ALG8: variants seen among roughly 807,000 people sequenced by gnomAD.
The protein encoded by ALG8 is dolichyl pyrophosphate Glc1Man9GlcNAc2 alpha-1,3-glucosyltransferase.
Under a neutral mutation model 70.2 loss-of-function variants are expected in ALG8, and 48 were observed. The ratio of observed to expected loss-of-function variants is 0.68; its 90% CI spans 0.54 to 0.87. The LOEUF is 0.87. Among genes scored for constraint, ALG8 ranks in the 40% least tolerant of loss-of-function variants. The pLI, the probability that ALG8 is intolerant of heterozygous loss-of-function variation, is 0.00. For missense variants in ALG8, 572 were observed against 608.7 expected (o/e 0.94, Z 0.64); for synonymous variants, 234 against 229.0 (o/e 1.02, Z -0.20).
At chr11:78,129,398 C>T (rs971125537) in intron 1 of ALG8, among the ~76,000 whole-genome samples, 14 of 138,432 alleles carry the variant, frequency 1.0e-4, no homozygotes, top group African/African-American at 2.2e-4. Context: ...CCAGCCTGGG[C>T]GACAGAGCAA....
intron 9 of ALG8, chr11:78,107,789 C>A (rs1003472460): frequency 1.1e-4 from 20 of 177,966 alleles, no homozygotes; most frequent in Middle Eastern, 2.3e-3. Context: ...TTGCAGTGAG[C>A]TGAAATTGCG....
chr11:78,112,770 T>C lies in ALG8; in HGVS notation c.778A>G (p.Asn260Asp). Residue 260 changes from asparagine to aspartate, a missense_variant and splice_region_variant, in exon 8 of 13, where the codon AAT (asparagine) becomes GAT (aspartate). Asn to Asp is a conservative substitution (Grantham distance 23). Transcript: ENST00000299626. ...CGGGAAAAGACTTGAGGCAGCTGAT[T>C]CTGTTGAAAAGAGAAATGAAACTGA... ...ALSLGPFLAL[N>D]QLPQVFSRLF... 1 of 1,613,486 alleles carries C rather than the reference T, an allele frequency of 6.2e-7. No individual in the cohort carries two copies. The highest frequency in any genetic ancestry group is 8.5e-7 in the Non-Finnish European group (1 of 1,179,624).
Position 78,106,894 on chromosome 11 carries a change from C to T in ALG8, c.1091G>A (p.Arg364Gln), listed in dbSNP as rs766238263. The change falls in exon 10 of 13, where the codon CGA becomes CAA. Residue 364 changes from arginine to glutamine, a missense_variant. Transcript: ENST00000299626. ...FKPQGPRGFL[R>Q]CLTLCALSSF... Reference sequence around the variant, plus strand: ...GCTCAAGGCACAAAGAGTTAGACATCGGAGAAAGCCTCTGGGCCCTTGGGG... The same window carrying T: ...GCTCAAGGCACAAAGAGTTAGACATTGGAGAAAGCCTCTGGGCCCTTGGGG... The T allele has an allele frequency of 5.3e-5, 86 of 1,613,922 alleles. No individual in the cohort carries two copies. Among genetic ancestry groups the T allele is most frequent in the Middle Eastern group, 1.6e-4 (1 of 6,084 alleles).
intron 1 of ALG8, among the ~76,000 whole-genome samples, chr11:78,131,124 G>A (rs1462080821): frequency 6.8e-6 from 1 of 147,178 alleles, no homozygotes. Flanking sequence ...GCTTTATTTT[G>A]TTGTTTCCTA....
intron 1 of ALG8, chr11:78,138,788 G>T: frequency 2.2e-6 from 1 of 456,272 alleles, no homozygotes; most frequent in African/African-American, 2.0e-5. Flanking sequence ...TTTTTACACA[G>T]CAGTCTAACT....
rs528112587 is a variant in ALG8 at position 78,139,619 on chromosome 11, T to A, written c.-31A>T. 19 of 1,547,174 alleles carry A rather than the reference T, an allele frequency of 1.2e-5. No individual in the cohort carries two copies. In the Admixed American group the frequency reaches 2.7e-4, roughly 22 times the overall value. On this transcript the variant is annotated 5_prime_UTR_variant, in exon 1 of 13. Transcript: ENST00000299626. The stretch of plus-strand genomic sequence containing the variant: ...CGGCACCGCACGCTTCCCACCAACT[T>A]GATCCACATCCGGGATCCCGCGCAT...
chr11:78,138,102 A>G (rs557686652), intron 1 of ALG8, among the ~76,000 whole-genome samples: 1 of 152,224 alleles, frequency 6.6e-6, no homozygotes, highest in East Asian at 1.9e-4. Context: ...TCCCAACATT[A>G]TGGGAGGCCG....
intron 3 of ALG8, 48 bp from the exon 4 acceptor site, chr11:78,121,222 C>G: frequency 7.9e-7 from 1 of 1,273,790 alleles, no homozygotes; most frequent in Non-Finnish European, 1.1e-6. Flanking sequence ...TGATCTTCAT[C>G]GGAACATCAC....
chr11:78,135,897 A>G (rs547702), intron 1 of ALG8, among the ~76,000 whole-genome samples: 32,560 of 150,720 alleles, frequency 0.22, 4,372 homozygotes, highest in African/African-American at 0.38. Context: ...GGGTGGGTGC[A>G]GTGGCTCATG....
At chr11:78,133,206 G>A (rs1211127090) in intron 1 of ALG8, among the ~76,000 whole-genome samples, 2 of 152,170 alleles carry the variant, frequency 1.3e-5, no homozygotes, top group Admixed American at 1.3e-4. Flanking sequence ...TTCTTGTACT[G>A]TTATACTTAC....
intron 1 of ALG8, among the ~76,000 whole-genome samples, chr11:78,130,361 A>AAAAAAAAAAAAAAAAAAAAGAAAG (rs928560857): frequency 3.8e-5 from 5 of 132,632 alleles, no homozygotes; most frequent in African/African-American, 1.3e-4. Flanking sequence ...AAAAAAAAAA[A>AAAAAAAAAAAAAAAAAAAAGAAAG]AAAAAAGGTG....
chr11:78,130,037 A>C (rs978525159), intron 1 of ALG8, among the ~76,000 whole-genome samples: 1 of 152,196 alleles, frequency 6.6e-6, no homozygotes, highest in Admixed American at 6.6e-5. Flanking sequence ...AAAACAGGCA[A>C]AATTTAACCT....
Position 78,127,438 on chromosome 11 carries a change from T to C in ALG8, c.96-2A>G, listed in dbSNP as rs1555073109. ...TGTACTTCAAAATCTGTGGAATGGCTACTCAAAACAATTAGATAAATAAAA... is the reference window on the plus strand; with the variant it reads ...TGTACTTCAAAATCTGTGGAATGGCCACTCAAAACAATTAGATAAATAAAA... On this transcript the variant is annotated splice_acceptor_variant, in intron 1 of 12. Coordinates refer to ENST00000299626, the MANE Select transcript of ALG8 (RefSeq NM_024079.5). LOFTEE classifies it high-confidence loss of function. 3.7e-6 allele frequency: 6 copies of C among 1,612,508 alleles called. No homozygotes were observed. Among genetic ancestry groups the C allele is most frequent in the Non-Finnish European group, 5.1e-6 (6 of 1,178,582 alleles).
chr11:78,102,692 C>A (rs914976247), intron 12 of ALG8, among the ~76,000 whole-genome samples: 1 of 152,182 alleles, frequency 6.6e-6, no homozygotes, highest in Non-Finnish European at 1.5e-5. Context: ...GTGGCTCACA[C>A]CTGTAATGCC....
intron 4 of ALG8, among the ~76,000 whole-genome samples, chr11:78,120,116 A>G (rs1176425696): frequency 1.3e-5 from 2 of 152,052 alleles, no homozygotes; most frequent in Non-Finnish European, 2.9e-5. Context: ...AAAAAAAAAG[A>G]AAAGGAAAGA....
chr11:78,136,291 C>T (rs1428770492), intron 1 of ALG8, among the ~76,000 whole-genome samples: 2 of 150,030 alleles, frequency 1.3e-5, no homozygotes, highest in East Asian at 2.0e-4. Context: ...AGTGACACCT[C>T]GTCTCTACCA....
At chr11:78,103,463 T>TA (rs1161245517) in intron 12 of ALG8, 1 of 150,742 alleles carries the variant, frequency 6.6e-6, no homozygotes, top group Non-Finnish European at 1.5e-5. Context: ...AAACTCCGTC[T>TA]CCAAAAAAAA....
rs138989041 is a variant in ALG8 at position 78,107,763 on chromosome 11, A to T, written c.1039-817T>A. On this transcript the variant is annotated intron_variant, in intron 9 of 12. Transcript: ENST00000299626. ...AGGCTGAGGCAGGAGAATCGCTTGA[A>T]CCTGGGAGGCAGAGGTTGCAGTGAG... The T allele has an allele frequency of 7.3e-3, 1,619 of 222,676 alleles. 32 individuals carry two copies. The highest frequency in any genetic ancestry group is 0.037 in the African/African-American group (1,533 of 41,590). The allele number at this position is 222,676 out of a possible 1,614,324, so 13.8% of individuals were successfully genotyped here. A position where few individuals can be genotyped will look rare whatever the true frequency, so the allele number is the denominator to read the frequency against.
At position 78,113,876 on chromosome 11, in the gene ALG8, AAAGGCTTACC is replaced by A. The variant is rs1341622827; in HGVS notation, c.777_777+9del. ...TGTATTAATTGAAAAAAAAAAAAAA[AAAGGCTTACC>A]AAGGCCAGGAAAGGACCCAATGAAA... On this transcript the variant is annotated splice_donor_variant and splice_donor_5th_base_variant and coding_sequence_variant and intron_variant, in exon 7 of 13. Coordinates refer to ENST00000299626, the MANE Select transcript of ALG8 (RefSeq NM_024079.5). LOFTEE classifies it high-confidence loss of function. The A allele has an allele frequency of 5.2e-6, 8 of 1,548,328 alleles. No homozygotes were observed. Among genetic ancestry groups the A allele is most frequent in the African/African-American group, 1.4e-5 (1 of 71,378 alleles).
Sources: allele counts gnomAD v4.1 joint callset (sites outside exome capture counted in the v4.1 genomes callset), GRCh38; gene constraint gnomAD v4.1.1; transcripts MANE v1.5; gene names NCBI Gene and HGNC (gene_info 2026-07-23, HGNC 2026-07-21).